Variants in MOB1B observed in about 807,000 individuals in gnomAD.
MOB1B encodes MOB1 Mps One Binder homolog B.
MOB1B carries 19 observed loss-of-function variants against 24.4 expected under a neutral mutation model. That is an observed-to-expected ratio of 0.78 (90% CI 0.54 to 1.14). The LOEUF (loss-of-function observed/expected upper bound fraction) is 1.14, where lower values mean the gene tolerates loss of function less well. MOB1B is among the 50% of genes most tolerant of loss of function. The pLI, the probability that MOB1B is intolerant of heterozygous loss-of-function variation, is 0.00. For synonymous variants in MOB1B, 76 were observed against 82.1 expected (o/e 0.93, Z 0.40); for missense variants, 243 against 259.6 (o/e 0.94, Z 0.44).
At chr4:70,918,666 C>A (rs1232690273) in intron 1 of MOB1B, among the ~76,000 whole-genome samples, 1 of 151,674 alleles carries the variant, frequency 6.6e-6, no homozygotes, top group South Asian at 2.1e-4. Context: ...TGGTAGTTTT[C>A]TTTTGCTGTG....
chr4:70,958,719 A>G (rs780839414), intron 1 of MOB1B, 155 bp from the exon 2 acceptor site: 1 of 834,204 alleles, frequency 1.2e-6, no homozygotes, highest in Non-Finnish European at 2.1e-6. Flanking sequence ...CAGCAGAGAA[A>G]GTTTGTAGGA....
In MOB1B at chr4:70,927,317, T is replaced by G. The variant is rs186050783; in HGVS notation, c.14+24767T>G. On this transcript the variant is annotated intron_variant, in intron 1 of 5. Coordinates refer to ENST00000309395, the MANE Select transcript of MOB1B (RefSeq NM_173468.4). ...ACTTTGGGAGGCTAAGGTGGGCAGA[T>G]CATCTGAGATCAGGAGTTCGAGACC... is the stretch of plus-strand genomic sequence containing the variant. Among the ~76,000 whole-genome samples the G allele has an allele frequency of 2.6e-5, 4 of 152,264 alleles. No homozygotes were observed. The East Asian group carries it at 7.7e-4, about 29-fold the overall frequency.
chr4:70,927,028 C>T (rs1365778578), intron 1 of MOB1B, among the ~76,000 whole-genome samples: 2 of 151,030 alleles, frequency 1.3e-5, no homozygotes, highest in Admixed American at 6.6e-5. Flanking sequence ...AAATAAGATG[C>T]GGTCTCTGTC....
chr4:70,964,132 G>A (rs1208365818), intron 2 of MOB1B, among the ~76,000 whole-genome samples: 1 of 152,108 alleles, frequency 6.6e-6, no homozygotes, highest in Non-Finnish European at 1.5e-5. Flanking sequence ...AATATTAGTC[G>A]ACTGAACTAA....
At chr4:70,933,960 G>A (rs1163324330) in intron 1 of MOB1B, among the ~76,000 whole-genome samples, 1 of 152,164 alleles carries the variant, frequency 6.6e-6, no homozygotes, top group Non-Finnish European at 1.5e-5. Context: ...GCCGAGGCAG[G>A]TGGAGCACTT....
rs1362782710 is a variant in MOB1B, at chr4:70,902,609, GCCGC to G, written c.14+65_14+68del. 1.6e-5 allele frequency: 17 copies of G among 1,057,192 alleles called. No homozygotes were observed. In the African/African-American group the frequency reaches 3.9e-4, roughly 24 times the overall value. 65.5% of individuals were successfully genotyped at this position (1,057,192 alleles called of 1,614,324 possible). ...TTCGGGTGGACCTGGGCCCCCGCCCGCCGCCCGCCGCCCGTCGCCCGCCCTCGTC... is the reference window on the plus strand; with the variant it reads ...TTCGGGTGGACCTGGGCCCCCGCCCGCCGCCGCCCGTCGCCCGCCCTCGTC... On this transcript the variant is annotated intron_variant, in intron 1 of 5. Transcript: ENST00000309395.
intron 1 of MOB1B, among the ~76,000 whole-genome samples, chr4:70,956,802 A>G (rs1190162432): frequency 6.6e-6 from 1 of 152,108 alleles, no homozygotes; most frequent in Non-Finnish European, 1.5e-5. Context: ...CATCGGTTTA[A>G]TTCTAATTAA....
At chr4:70,950,726 A>G in intron 1 of MOB1B, 1 of 1,531,082 alleles carries the variant, frequency 6.5e-7, no homozygotes, top group Non-Finnish European at 8.7e-7. Flanking sequence ...GTTGACTGGA[A>G]CTTTCAGTTA....
intron 2 of MOB1B, among the ~76,000 whole-genome samples, chr4:70,964,657 C>CGGT (rs1160361059): frequency 1.3e-5 from 2 of 152,114 alleles, no homozygotes; most frequent in Non-Finnish European, 2.9e-5. Context: ...AGGCCGGGTG[C>CGGT]GGTGGTTCAT....
intron 1 of MOB1B, among the ~76,000 whole-genome samples, chr4:70,952,103 C>T (rs1276643625): frequency 3.9e-5 from 6 of 152,096 alleles, no homozygotes; most frequent in Admixed American, 2.0e-4. Context: ...GGAATTTAAC[C>T]TTCATACATG....
chr4:70,939,790 A>T (rs192686514), intron 1 of MOB1B, among the ~76,000 whole-genome samples: 113 of 152,334 alleles, frequency 7.4e-4, no homozygotes, highest in African/African-American at 2.6e-3. Context: ...CTCTTGCCTA[A>T]CAAGGACAGA....
intron 1 of MOB1B, among the ~76,000 whole-genome samples, chr4:70,913,821 T>G (rs1470757730): frequency 1.3e-5 from 2 of 152,232 alleles, no homozygotes; most frequent in East Asian, 3.8e-4. Flanking sequence ...TTGATATTTC[T>G]TGTCTAAATT....
At position 70,903,856 on chromosome 4, in the gene MOB1B, C is replaced by T. The variant is rs1017453341; in HGVS notation, c.14+1306C>T. Among the ~76,000 whole-genome samples the T allele has an allele frequency of 2.6e-5, 4 of 151,232 alleles. No homozygotes were observed. In the East Asian group the frequency reaches 7.7e-4, roughly 29 times the overall value. ...TGTCAACTTGCCTAAAACCTTTAAA[C>T]GGAAAGGGATTTCTTAGGCTCCTCC... On this transcript the variant is annotated intron_variant, in intron 1 of 5. Transcript: ENST00000309395.
intron 5 of MOB1B, among the ~76,000 whole-genome samples, chr4:70,981,048 G>A (rs941477225): frequency 7.2e-5 from 11 of 152,082 alleles, no homozygotes; most frequent in African/African-American, 1.4e-4. Context: ...TCTCCTGGTC[G>A]CTGTGAAAGT....
chr4:70,912,708 C>T (rs1268281899), intron 1 of MOB1B, among the ~76,000 whole-genome samples: 2 of 152,238 alleles, frequency 1.3e-5, no homozygotes, highest in Non-Finnish European at 2.9e-5. Context: ...TAATCTTCGA[C>T]AAAAGGATCC....
At chr4:70,926,554 G>A (rs1736663095) in intron 1 of MOB1B, among the ~76,000 whole-genome samples, 1 of 152,192 alleles carries the variant, frequency 6.6e-6, no homozygotes. Flanking sequence ...CAAGCCCAGT[G>A]TATAAACTGT....
intron 1 of MOB1B, among the ~76,000 whole-genome samples, chr4:70,911,169 G>C (rs923332017): frequency 6.6e-6 from 1 of 151,930 alleles, no homozygotes; most frequent in African/African-American, 2.4e-5. Flanking sequence ...GCGTAGACCA[G>C]GTTTTTTACT....
intron 1 of MOB1B, among the ~76,000 whole-genome samples, chr4:70,903,158 C>T (rs1400540473): frequency 2.0e-5 from 3 of 152,142 alleles, no homozygotes; most frequent in Non-Finnish European, 4.4e-5. Flanking sequence ...GGTCTGGAGC[C>T]GCCCCCTTGC....
chr4:70,926,879 C>T (rs1019566434), intron 1 of MOB1B, among the ~76,000 whole-genome samples: 1 of 151,918 alleles, frequency 6.6e-6, no homozygotes, highest in African/African-American at 2.4e-5. Context: ...CGCCTGTAGT[C>T]CCATCTACTT....
Sources: allele counts gnomAD v4.1 joint callset (sites outside exome capture counted in the v4.1 genomes callset), GRCh38; gene constraint gnomAD v4.1.1; transcripts MANE v1.5; gene names NCBI Gene and HGNC (gene_info 2026-07-23, HGNC 2026-07-21).